Variants in CAPN15 observed in about 807,000 individuals in gnomAD.
CAPN15 encodes the protein calpain 15.
Under a neutral mutation model 97.9 loss-of-function variants are expected in CAPN15, and 53 were observed. That is an observed-to-expected ratio of 0.54 (90% confidence interval 0.43 to 0.68). The LOEUF (loss-of-function observed/expected upper bound fraction) is 0.68. Among genes scored for constraint, CAPN15 ranks in the 30% least tolerant of loss-of-function variants. The pLI is 0.00. For synonymous variants in CAPN15, 922 were observed against 722.5 expected (o/e 1.28, Z -4.43); for missense variants, 1,592 against 1,589.8 (o/e 1.00, Z -0.02).
rs1389662386 is a variant in CAPN15 at position 551,335 on chromosome 16, C to T, written c.2100C>T (p.Asn700=). ...FLMGASCGGG[N]MKVDDSAYES... is the part of the protein sequence containing the mutation. ...TGGGTGCCTCCTGTGGCGGGGGCAA[C>T]ATGAAGGTGGACGATTCGGCCTACG... Residue 700 remains asparagine, a synonymous_variant, in exon 8 of 14, where the codon AAC becomes AAT. Transcript: ENST00000219611. 1 of 1,606,616 alleles carries T rather than the reference C, an allele frequency of 6.2e-7. No individual in the cohort carries two copies. The highest frequency in any genetic ancestry group is 1.3e-5 in the African/African-American group (1 of 74,974).
chr16:545,956 C>T (rs1338730593), intron 3 of CAPN15, among the ~76,000 whole-genome samples: 3 of 152,346 alleles, frequency 2.0e-5, no homozygotes, highest in East Asian at 1.9e-4. Context: ...GTGGTGATGG[C>T]GGGGAGAGGC....
At position 547,330 on chromosome 16, in the gene CAPN15, C is replaced by G; in HGVS notation, c.492C>G (p.Ser164=). The G allele has an allele frequency of 6.5e-7, 1 of 1,536,582 alleles. No individual in the cohort carries two copies. The highest frequency in any genetic ancestry group is 8.7e-7 in the Non-Finnish European group (1 of 1,147,532). Reference sequence around the variant, plus strand: ...ACACGCCCGTGGCCAGCTCCTGCTCCGTCTGCGGGGGCCCACGCAGGCTCT... The same window carrying G: ...ACACGCCCGTGGCCAGCTCCTGCTCGGTCTGCGGGGGCCCACGCAGGCTCT... The part of the protein sequence containing the change: ...LHNTPVASSC[S]VCGGPRRLSL... Residue 164 remains serine (S), a synonymous_variant, in exon 4 of 14, where the codon TCC becomes TCG. Coordinates refer to ENST00000219611, the MANE Select transcript of CAPN15 (RefSeq NM_005632.3).
chr16:546,620 C>T (rs2034601106), intron 3 of CAPN15, among the ~76,000 whole-genome samples, 197 bp from the exon 4 acceptor site: 1 of 152,200 alleles, frequency 6.6e-6, no homozygotes, highest in Non-Finnish European at 1.5e-5. Flanking sequence ...CTCCAACGGG[C>T]AAGAGGGGCC....
chr16:529,254 C>G (rs146805839), intron 1 of CAPN15, among the ~76,000 whole-genome samples: 1 of 152,178 alleles, frequency 6.6e-6, no homozygotes, highest in Non-Finnish European at 1.5e-5. Context: ...TGCATAACTG[C>G]GCAGGGCCTC....
chr16:529,652 C>G (rs1237063772), intron 1 of CAPN15, among the ~76,000 whole-genome samples: 1 of 152,240 alleles, frequency 6.6e-6, no homozygotes, highest in African/African-American at 2.4e-5. Flanking sequence ...TGCCCCTGGT[C>G]CAGCCCTCTG....
At position 544,234 on chromosome 16, in the gene CAPN15, C is replaced by T. The variant is rs564207267; in HGVS notation, c.-22-2583C>T. ...CAGAGCCCCCCATGGTATCCCCCGC[C>T]CTGGGCACAGCAGGAGGAGCTGCCG... On this transcript the variant is annotated intron_variant, in intron 3 of 13. Transcript: ENST00000219611. 7.6e-4 allele frequency among the ~76,000 whole-genome samples: 115 copies of T among 152,278 alleles called. 1 individual carries two copies. The highest frequency in any genetic ancestry group is 1.9e-3 in the Admixed American group (29 of 15,306).
chr16:551,656 C>G lies in CAPN15; in HGVS notation c.2337C>G (p.Asp779Glu). 6.3e-7 allele frequency: 1 copy of G among 1,591,840 alleles called. No individual in the cohort carries two copies. Among genetic ancestry groups the G allele is most frequent in the Non-Finnish European group, 8.5e-7 (1 of 1,171,770 alleles). Reference sequence around the variant, plus strand: ...GTGTCTTCTGGATGGAGTACGGCGACTTTGTCAGGTATCGGCACCGTGGGG... The same window carrying G: ...GTGTCTTCTGGATGGAGTACGGCGAGTTTGTCAGGTATCGGCACCGTGGGG... ...SEGVFWMEYG[D>E]FVRYFDSVDI... is the part of the protein sequence containing the mutation. The change falls in exon 9 of 14, where the codon GAC becomes GAG. Residue 779 changes from aspartate to glutamate, a missense_variant. Physicochemically the swap from Asp to Glu is conservative, Grantham distance 45 (BLOSUM62 2). Transcript: ENST00000219611.
rs1218423800 is a variant in CAPN15 at position 548,983 on chromosome 16, GTC to G, written c.1450-6_1450-5del. 5.6e-6 allele frequency: 9 copies of G among 1,612,352 alleles called. No individual in the cohort carries two copies. The highest frequency in any genetic ancestry group is 1.3e-5 in the African/African-American group (1 of 74,934). Reference sequence around the variant, plus strand: ...TGCCCAGCCTGAGCACATGGCCGTGGTCTCTGCAGAACAATGTGAGCTTCGTG... The same window carrying G: ...TGCCCAGCCTGAGCACATGGCCGTGGTCTGCAGAACAATGTGAGCTTCGTG... On this transcript the variant is annotated splice_region_variant and splice_polypyrimidine_tract_variant and intron_variant, in intron 4 of 13. Transcript: ENST00000219611.
Position 544,376 on chromosome 16 carries a change from G to A in CAPN15, c.-22-2441G>A, listed in dbSNP as rs138736296. Among the ~76,000 whole-genome samples the A allele has an allele frequency of 3.9e-3, 598 of 152,130 alleles. 3 individuals are homozygous for A. The highest frequency in any genetic ancestry group is 0.014 in the African/African-American group (573 of 41,498). ...GTGGCCTCAGGGCTCTGGTGGCTTT[G>A]ACCGAGGCCCCGGGGGACAGAATGC... On this transcript the variant is annotated intron_variant, in intron 3 of 13. Coordinates refer to ENST00000219611, the MANE Select transcript of CAPN15 (RefSeq NM_005632.3).
Position 554,382 on chromosome 16 carries a change from C to T in CAPN15, c.*866C>T. The T allele has an allele frequency of 2.5e-6, 1 of 399,420 alleles. No homozygotes were observed. Among genetic ancestry groups the T allele is most frequent in the South Asian group, 1.8e-5 (1 of 54,744 alleles). The allele number at this position is 399,420 out of a possible 1,614,324, so 24.7% of individuals were successfully genotyped here. On this transcript the variant is annotated 3_prime_UTR_variant, in exon 14 of 14. Coordinates refer to ENST00000219611, the MANE Select transcript of CAPN15 (RefSeq NM_005632.3). Reference sequence around the variant, plus strand: ...CTGGCCCCTCACTCCCGGCAGCGGGCCGGCCTCGCCCCCACTCCCCCTCCT... The same window carrying T: ...CTGGCCCCTCACTCCCGGCAGCGGGTCGGCCTCGCCCCCACTCCCCCTCCT...
At chr16:534,185 T>G (rs1326483168) in intron 2 of CAPN15, among the ~76,000 whole-genome samples, 187 bp downstream of exon 2, 8 of 152,370 alleles carry the variant, frequency 5.3e-5, no homozygotes, top group East Asian at 3.9e-4. Context: ...GTTTGGGCCG[T>G]GGTCCTGTCG....
At chr16:544,786 C>CT (rs1168084438) in intron 3 of CAPN15, among the ~76,000 whole-genome samples, 10 of 102,850 alleles carry the variant, frequency 9.7e-5, no homozygotes, top group African/African-American at 3.7e-4. Context: ...GTCGTCTCCC[C>CT]CACGTCGTCG....
At chr16:528,667 C>T (rs759129824) in intron 1 of CAPN15, 308 of 954,090 alleles carry the variant, frequency 3.2e-4, no homozygotes, top group Non-Finnish European at 3.8e-4. Flanking sequence ...TGGCCCTGGC[C>T]GGGCGAGCTC....
In CAPN15 at chr16:549,676, C is replaced by T. The variant is rs1376177778; in HGVS notation, c.1904C>T (p.Ser635Phe). The stretch of plus-strand genomic sequence containing the variant: ...AAGGCGCTGGCCAAGCTGCACGGCT[C>T]CTACTTTGCGCTCCAGGCGGGCCGC... ...IEKALAKLHG[S>F]YFALQAGRAI... Residue 635 changes from serine (S) to phenylalanine (F), a missense_variant, in exon 7 of 14, where the codon TCC (serine) becomes TTC (phenylalanine). Physicochemically the swap from Ser to Phe is radical, Grantham distance 155 (BLOSUM62 -2). This residue lies in a region of CAPN15 where 644 missense variants were observed against 699.6 expected (regional missense o/e 0.92). Coordinates refer to ENST00000219611, the MANE Select transcript of CAPN15 (RefSeq NM_005632.3). The T allele has an allele frequency of 6.4e-7, 1 of 1,564,528 alleles. No individual in the cohort carries two copies. Among genetic ancestry groups the T allele is most frequent in the South Asian group, 1.2e-5 (1 of 85,868 alleles).
At chr16:549,541 G>A (rs892839474) in intron 6 of CAPN15, 70 bp downstream of exon 6, 21 of 1,512,504 alleles carry the variant, frequency 1.4e-5, no homozygotes, top group African/African-American at 7.0e-5. Flanking sequence ...AAACAAGGCC[G>A]GCTGCTTCCT....
Position 552,853 on chromosome 16 carries a change from C to A in CAPN15, c.2905-10C>A, listed in dbSNP as rs1377777648. On this transcript the variant is annotated splice_polypyrimidine_tract_variant and intron_variant, in intron 12 of 13. Transcript: ENST00000219611. The surrounding 1 kb of genome is among the most constrained non-coding windows in gnomAD (Gnocchi z 6.4). ...CTCCCCTGCCCCACAACTGCCATTC[C>A]TGTGCCCAGGGCCGTGAGGGCATGA... The A allele has an allele frequency of 6.3e-7, 1 of 1,589,340 alleles. No individual in the cohort carries two copies. The highest frequency in any genetic ancestry group is 8.6e-7 in the Non-Finnish European group (1 of 1,165,056).
At position 547,003 on chromosome 16, in the gene CAPN15, C is replaced by A; in HGVS notation, c.165C>A (p.Phe55Leu). 6.2e-7 allele frequency: 1 copy of A among 1,610,304 alleles called. No homozygotes were observed. The highest frequency in any genetic ancestry group is 1.1e-5 in the South Asian group (1 of 91,078). Residue 55 changes from phenylalanine to leucine, a missense_variant, in exon 4 of 14, where the codon TTC becomes TTA. This residue lies in a region of CAPN15 where 883 missense variants were observed against 776.6 expected (regional missense o/e 1.14). Coordinates refer to ENST00000219611, the MANE Select transcript of CAPN15 (RefSeq NM_005632.3). ...EQKWPCARCT[F>L]RNFLGKEACE... ...AATGGCCCTGCGCCCGCTGCACCTT[C>A]CGCAACTTCCTGGGCAAGGAGGCCT...
rs2035229290 is a variant in CAPN15, at chr16:553,128, C to T, written c.3083+87C>T. On this transcript the variant is annotated intron_variant, in intron 13 of 13. Coordinates refer to ENST00000219611, the MANE Select transcript of CAPN15 (RefSeq NM_005632.3). Reference sequence around the variant, plus strand: ...CCCACACCCAACTCGTGCCCCCCCACCCCTGCACAGGTGCCCCCTCCCCTA... The same window carrying T: ...CCCACACCCAACTCGTGCCCCCCCATCCCTGCACAGGTGCCCCCTCCCCTA... 5.1e-6 allele frequency: 3 copies of T among 587,368 alleles called. No individual in the cohort carries two copies. The Admixed American group carries it at 1.0e-4, about 20-fold the overall frequency. 36.4% of individuals were successfully genotyped at this position (587,368 alleles called of 1,614,324 possible). A position where few individuals can be genotyped will look rare whatever the true frequency, so the allele number is the denominator to read the frequency against.
Sources: allele counts gnomAD v4.1 joint callset (sites outside exome capture counted in the v4.1 genomes callset), GRCh38; gene constraint gnomAD v4.1.1; regional missense constraint gnomAD v4.1.1; non-coding constraint Gnocchi (gnomAD v3.1); transcripts MANE v1.5; gene names NCBI Gene and HGNC (gene_info 2026-07-23, HGNC 2026-07-21).